Variants in FGF13 observed in about 807,000 individuals in gnomAD.
FGF13 encodes the protein fibroblast growth factor homologous factor 2.
A neutral mutation model predicts 19.5 loss-of-function variants in FGF13; 2 were observed. The ratio of observed to expected loss-of-function variants is 0.10; its 90% CI spans 0.04 to 0.32. The LOEUF (loss-of-function observed/expected upper bound fraction) is 0.32, where lower values mean the gene tolerates loss of function less well. Among genes scored for constraint, FGF13 ranks in the 10% least tolerant of loss-of-function variants. FGF13 has a pLI of 1.00. For synonymous variants in FGF13, 72 were observed against 76.9 expected (o/e 0.94, Z 0.33); for missense variants, 113 against 192.7 (o/e 0.59, Z 2.45).
intron 1 of FGF13, among the ~76,000 whole-genome samples, chrX:139,014,184 T>C (rs2092143466): frequency 9.0e-6 from 1 of 111,157 alleles, no homozygotes; most frequent in Non-Finnish European, 1.9e-5. Flanking sequence ...AACCTAATGA[T>C]GCATCTTAAA....
intron 3 of FGF13, among the ~76,000 whole-genome samples, chrX:138,820,298 C>T (rs2090990472): frequency 1.8e-5 from 2 of 111,851 alleles, no homozygotes; most frequent in Non-Finnish European, 3.8e-5. Flanking sequence ...CAATTTGATT[C>T]AATTTATCTA....
At chrX:138,633,965 G>A (rs1434565348) in intron 4 of FGF13, among the ~76,000 whole-genome samples, 3 of 111,302 alleles carry the variant, frequency 2.7e-5, no homozygotes, top group Non-Finnish European at 5.7e-5. Context: ...TAATCTCTTT[G>A]AAGTCTTCCT....
chrX:138,738,246 C>T (rs759326691), intron 1 of FGF13, among the ~76,000 whole-genome samples: 6 of 111,743 alleles, frequency 5.4e-5, no homozygotes, highest in Non-Finnish European at 1.1e-4. Context: ...CAGAAAATCA[C>T]CATGAATAAT....
intron 3 of FGF13, among the ~76,000 whole-genome samples, chrX:138,816,717 A>G: frequency 8.9e-6 from 1 of 112,684 alleles, no homozygotes; most frequent in African/African-American, 3.2e-5. Context: ...ATGTGGCCCA[A>G]CACAAATTCA....
intron 1 of FGF13, among the ~76,000 whole-genome samples, chrX:139,010,524 T>C (rs1158275360): frequency 9.0e-6 from 1 of 111,709 alleles, no homozygotes; most frequent in African/African-American, 3.3e-5. Context: ...GCAAATAACA[T>C]GGAAATTAAA....
At chrX:138,645,859 C>G (rs980876140) in intron 3 of FGF13, among the ~76,000 whole-genome samples, 1 of 111,825 alleles carries the variant, frequency 8.9e-6, no homozygotes, top group Non-Finnish European at 1.9e-5. Context: ...TTCTAAGAAT[C>G]TAATACTAGA....
At chrX:139,080,166 A>G (rs933712250) in intron 1 of FGF13, among the ~76,000 whole-genome samples, 5 of 111,566 alleles carry the variant, frequency 4.5e-5, no homozygotes, top group African/African-American at 6.5e-5. Context: ...CAAGGCCCCC[A>G]TGCCCTGCCA....
intron 1 of FGF13, among the ~76,000 whole-genome samples, chrX:138,903,903 C>G (rs2091544459): frequency 9.0e-6 from 1 of 111,605 alleles, no homozygotes; most frequent in Admixed American, 9.6e-5. Flanking sequence ...CCCAACAATG[C>G]TTCTGTGAGC....
intron 1 of FGF13, among the ~76,000 whole-genome samples, chrX:138,896,870 CAT>C (rs1310881930): frequency 8.9e-6 from 1 of 111,878 alleles, no homozygotes; most frequent in Non-Finnish European, 1.9e-5. Flanking sequence ...GTAGCTATGG[CAT>C]ATTTGACAGA....
At chrX:138,808,218 G>T (rs2090888635) in intron 3 of FGF13, among the ~76,000 whole-genome samples, 1 of 111,868 alleles carries the variant, frequency 8.9e-6, no homozygotes. Context: ...AAATGTAAAA[G>T]AACAGAAATT....
intron 2 of FGF13, among the ~76,000 whole-genome samples, chrX:138,861,925 C>T (rs2091290396): frequency 1.8e-5 from 2 of 111,744 alleles, no homozygotes; most frequent in South Asian, 7.5e-4. Context: ...ATTGCTCGAA[C>T]CCAGGAGGCG....
At chrX:138,790,737 T>C (rs1400594837) in intron 3 of FGF13, among the ~76,000 whole-genome samples, 1 of 112,537 alleles carries the variant, frequency 8.9e-6, no homozygotes, top group East Asian at 2.8e-4. Flanking sequence ...CTTGGAAGCC[T>C]CACCTGACTC....
chrX:139,027,008 G>C lies in FGF13; in HGVS notation c.-112-162358C>G, dbSNP rs201517396. ...CATGGGAGTTTGTGAATAGACATAGGAGGTGAAACTGCCACATTCCTTTAA... is the reference window on the plus strand; with the variant it reads ...CATGGGAGTTTGTGAATAGACATAGCAGGTGAAACTGCCACATTCCTTTAA... On this transcript the variant is annotated intron_variant, in intron 1 of 2. Transcript: ENST00000421460. 9.8e-5 allele frequency among the ~76,000 whole-genome samples: 11 copies of C among 111,998 alleles called. No individual in the cohort carries two copies. The East Asian group carries it at 1.1e-3, about 12-fold the overall frequency.
At chrX:138,954,011 G>A (rs1473616152) in intron 1 of FGF13, among the ~76,000 whole-genome samples, 1 of 110,313 alleles carries the variant, frequency 9.1e-6, no homozygotes, top group African/African-American at 3.3e-5. Context: ...GGGATGTGAT[G>A]TGTGTTATAC....
intron 3 of FGF13, among the ~76,000 whole-genome samples, chrX:138,786,559 G>C (rs1292006821): frequency 8.9e-6 from 1 of 111,779 alleles, no homozygotes; most frequent in East Asian, 2.8e-4. Flanking sequence ...GTCACAGTGA[G>C]TCAGACAACT....
intron 1 of FGF13, among the ~76,000 whole-genome samples, chrX:138,946,209 A>G (rs1293110908): frequency 8.9e-6 from 1 of 111,755 alleles, no homozygotes; most frequent in African/African-American, 3.2e-5. Context: ...AGTATCTAGC[A>G]CATGATTGAT....
At chrX:138,975,169 G>A (rs947657999) in intron 1 of FGF13, among the ~76,000 whole-genome samples, 6 of 112,998 alleles carry the variant, frequency 5.3e-5, no homozygotes, top group African/African-American at 1.9e-4. Flanking sequence ...CTCCCCATGT[G>A]CATGGCACTT....
intron 1 of FGF13, among the ~76,000 whole-genome samples, chrX:139,133,344 GAAA>G (rs35534771): frequency 1.5e-5 from 1 of 67,679 alleles, no homozygotes; most frequent in African/African-American, 5.7e-5. Context: ...GGGACCACGT[GAAA>G]AAAAAAAAAA....
intron 1 of FGF13, among the ~76,000 whole-genome samples, chrX:138,979,961 C>T (rs1339003032): frequency 9.0e-6 from 1 of 111,360 alleles, no homozygotes; most frequent in Non-Finnish European, 1.9e-5. Context: ...CAGACATTTC[C>T]CATAAACTGA....
Sources: allele counts gnomAD v4.1 joint callset (sites outside exome capture counted in the v4.1 genomes callset), GRCh38; gene constraint gnomAD v4.1.1; transcripts MANE v1.5; gene names NCBI Gene and HGNC (gene_info 2026-07-23, HGNC 2026-07-21).